KIF3C: variants seen among roughly 807,000 people sequenced by gnomAD.
KIF3C encodes kinesin family member 3C.
In KIF3C, 12 loss-of-function variants were observed where a neutral mutation model predicts 67.7. That is an observed-to-expected ratio of 0.18 (90% CI 0.11 to 0.29). The LOEUF (loss-of-function observed/expected upper bound fraction) is 0.29, where lower values mean the gene tolerates loss of function less well. Among genes scored for constraint, KIF3C ranks in the 10% least tolerant of loss-of-function variants. The pLI is 1.00. For synonymous variants in KIF3C, 393 were observed against 426.2 expected (o/e 0.92, Z 0.96); for missense variants, 789 against 1,059.6 (o/e 0.74, Z 3.55).
At chr2:25,959,442 G>A (rs1048422991) in intron 1 of KIF3C, among the ~76,000 whole-genome samples, 2 of 152,082 alleles carry the variant, frequency 1.3e-5, no homozygotes, top group Admixed American at 6.6e-5. Flanking sequence ...ATCCTTGGGG[G>A]TTGTCCCAGA....
chr2:25,981,339 A>G lies in KIF3C; in HGVS notation c.579T>C (p.His193=), dbSNP rs149676487. The G allele has an allele frequency of 3.1e-6, 5 of 1,613,998 alleles. No individual in the cohort carries two copies. ...GGGTCTGGTTCCCCAGGTTCATCAC[A>G]TGCTCAATCTCCTTGACATTCTTGG... ...FVTKNVKEIE[H]VMNLGNQTRA... is the part of the protein sequence containing the mutation. Residue 193 remains histidine, a synonymous_variant, in exon 1 of 8, where the codon CAT becomes CAC. Coordinates refer to ENST00000264712, the MANE Select transcript of KIF3C (RefSeq NM_002254.8). The surrounding 1 kb of genome is among the most constrained non-coding windows in gnomAD (Gnocchi z 8.2).
chr2:25,939,795 C>CA (rs1175814345), intron 5 of KIF3C, among the ~76,000 whole-genome samples: 1 of 151,632 alleles, frequency 6.6e-6, no homozygotes, highest in Non-Finnish European at 1.5e-5. Context: ...TACTAAAATA[C>CA]AAAAATTAGC....
intron 1 of KIF3C, among the ~76,000 whole-genome samples, chr2:25,964,540 C>G (rs1664094179): frequency 6.6e-6 from 1 of 152,130 alleles, no homozygotes; most frequent in Admixed American, 6.6e-5. Context: ...GATCAGAGCT[C>G]ACTGCAGCCT....
intron 5 of KIF3C, among the ~76,000 whole-genome samples, chr2:25,935,652 G>A (rs1169142381): frequency 6.6e-6 from 1 of 152,142 alleles, no homozygotes; most frequent in Non-Finnish European, 1.5e-5. Flanking sequence ...ATGAGCCACT[G>A]TGCCTGGCCC....
intron 5 of KIF3C, 76 bp from the exon 6 acceptor site, chr2:25,930,139 T>C (rs975879694): frequency 6.9e-6 from 8 of 1,164,696 alleles, no homozygotes; most frequent in Admixed American, 3.5e-5. Context: ...GACCTAAATA[T>C]CATTCAGGTA....
At chr2:25,967,533 G>A (rs1664174730) in intron 1 of KIF3C, among the ~76,000 whole-genome samples, 1 of 152,218 alleles carries the variant, frequency 6.6e-6, no homozygotes, top group South Asian at 2.1e-4. Flanking sequence ...TGGGCTGGGT[G>A]CAGAGGCTCA....
chr2:25,974,181 T>A (rs1350565691), intron 1 of KIF3C, among the ~76,000 whole-genome samples: 1 of 152,088 alleles, frequency 6.6e-6, no homozygotes, highest in Admixed American at 6.6e-5. Flanking sequence ...GTGATTCTCC[T>A]GCGTCAGCCT....
rs535729160 is a variant in KIF3C at position 25,930,773 on chromosome 2, A to C, written c.2007-710T>G. Among the ~76,000 whole-genome samples the C allele has an allele frequency of 2.0e-5, 3 of 152,268 alleles. No homozygotes were observed. The South Asian group carries it at 6.2e-4, about 32-fold the overall frequency. On this transcript the variant is annotated intron_variant, in intron 5 of 7. Transcript: ENST00000264712. ...AGGCTGGTCTCGAACTCCCGACCTC[A>C]GGTGATCCACCCACCTCAACCTCCC...
chr2:25,955,491 G>A lies in KIF3C; in HGVS notation c.1770+50C>T, dbSNP rs759517662. On this transcript the variant is annotated intron_variant, in intron 3 of 7. Transcript: ENST00000264712. This position sits in a 1 kb window ranked among gnomAD's most constrained non-coding sequence, Gnocchi z 5.0. The stretch of plus-strand genomic sequence containing the variant: ...CTGAAGCACACATCCCTTGGGCAGA[G>A]ACTGCTGGGCCTCCAGCACACCTTA... The A allele has an allele frequency of 1.2e-6, 2 of 1,604,756 alleles. No homozygotes were observed. Among genetic ancestry groups the A allele is most frequent in the South Asian group, 2.2e-5 (2 of 90,100 alleles).
At chr2:25,953,664 T>A (rs1663710477) in intron 4 of KIF3C, among the ~76,000 whole-genome samples, 1 of 99,634 alleles carries the variant, frequency 1.0e-5, no homozygotes, top group African/African-American at 4.1e-5. Context: ...CCGGCCTTTT[T>A]TGTTTTTGTT....
intron 2 of KIF3C, 88 bp downstream of exon 2, chr2:25,956,255 G>C (rs1574488874): frequency 1.1e-6 from 1 of 949,970 alleles, no homozygotes; most frequent in Non-Finnish European, 1.7e-6. Flanking sequence ...CAGAGATCCA[G>C]AGTCCACCAT....
intron 5 of KIF3C, among the ~76,000 whole-genome samples, chr2:25,940,309 G>A (rs1338031099): frequency 6.6e-6 from 1 of 151,962 alleles, no homozygotes; most frequent in East Asian, 1.9e-4. Context: ...GGTGGCTCAC[G>A]CCTGTAATCC....
intron 5 of KIF3C, among the ~76,000 whole-genome samples, chr2:25,947,301 GC>G (rs2149229130): frequency 6.6e-6 from 1 of 152,228 alleles, no homozygotes; most frequent in South Asian, 2.1e-4. Flanking sequence ...TACTACAGGG[GC>G]CCGACGCAGT....
At chr2:25,962,899 ATATAT>A (rs1664007201) in intron 1 of KIF3C, among the ~76,000 whole-genome samples, 2 of 60,022 alleles carry the variant, frequency 3.3e-5, no homozygotes, top group East Asian at 2.2e-3. Flanking sequence ...AATATAAAAT[ATATAT>A]AATATATAAT....
At chr2:25,929,263 C>A (rs1467439740) in intron 7 of KIF3C, 42 bp downstream of exon 7, 1 of 1,593,984 alleles carries the variant, frequency 6.3e-7, no homozygotes, top group African/African-American at 1.3e-5. Flanking sequence ...AGTTCCCCTG[C>A]CTCCTGGGTC....
At chr2:25,978,677 C>A (rs543787243) in intron 1 of KIF3C, among the ~76,000 whole-genome samples, 1 of 152,268 alleles carries the variant, frequency 6.6e-6, no homozygotes, top group South Asian at 2.1e-4. Flanking sequence ...AACCTTCACC[C>A]CATCCCTCAG....
chr2:25,967,954 C>T (rs1226236425), intron 1 of KIF3C, among the ~76,000 whole-genome samples: 2 of 152,190 alleles, frequency 1.3e-5, no homozygotes, highest in Admixed American at 6.5e-5. Flanking sequence ...TTCGGTATCT[C>T]ATTGGTATTT....
At chr2:25,963,196 ATTTTT>A (rs1165957083) in intron 1 of KIF3C, among the ~76,000 whole-genome samples, 761 of 43,020 alleles carry the variant, frequency 0.018, 33 homozygotes, top group African/African-American at 0.058. Flanking sequence ...ATATATATAT[ATTTTT>A]TTTTTTTTTT....
chr2:25,941,909 T>A (rs1402686961), intron 5 of KIF3C, among the ~76,000 whole-genome samples: 1 of 151,802 alleles, frequency 6.6e-6, no homozygotes, highest in Non-Finnish European at 1.5e-5. Flanking sequence ...TCGTGGCATG[T>A]ACCTGTGGTC....
Sources: allele counts gnomAD v4.1 joint callset (sites outside exome capture counted in the v4.1 genomes callset), GRCh38; gene constraint gnomAD v4.1.1; non-coding constraint Gnocchi (gnomAD v3.1); transcripts MANE v1.5; gene names NCBI Gene and HGNC (gene_info 2026-07-23, HGNC 2026-07-21).